The following NAALADL2 variants were observed in gnomAD, a reference collection of about 807,000 sequenced individuals.
NAALADL2 encodes inactive N-acetylated-alpha-linked acidic dipeptidase-like protein 2.
In NAALADL2, 76 loss-of-function variants were observed where a neutral mutation model predicts 87.2. The observed-to-expected ratio is 0.87, with a 90% CI of 0.72 to 1.05. The LOEUF is 1.05. NAALADL2 is among the 50% of genes least tolerant of loss of function. NAALADL2 has a pLI of 0.00. For synonymous variants in NAALADL2, 354 were observed against 331.0 expected, an observed-to-expected ratio of 1.07 and a Z score of -0.75; for missense variants, 1,089 against 945.8, an observed-to-expected ratio of 1.15 and a Z score of -1.99.
intron 3 of NAALADL2, among the ~76,000 whole-genome samples, chr3:174,820,410 T>C (rs374574907): frequency 2.6e-5 from 4 of 152,228 alleles, no homozygotes; most frequent in African/African-American, 9.6e-5. Context: ...TTTTTCATTT[T>C]TGATGGAAAT....
At chr3:174,607,073 A>G (rs1346130658) in intron 2 of NAALADL2, among the ~76,000 whole-genome samples, 2 of 152,208 alleles carry the variant, frequency 1.3e-5, no homozygotes, top group Non-Finnish European at 2.9e-5. Context: ...ACTAAGCTTC[A>G]TAAGTGAAGG....
intron 9 of NAALADL2, among the ~76,000 whole-genome samples, chr3:175,533,998 G>T (rs965634635): frequency 1.3e-5 from 2 of 149,488 alleles, no homozygotes; most frequent in Non-Finnish European, 3.0e-5. Flanking sequence ...CCTCTCATGA[G>T]CAGTGAATCA....
At chr3:175,196,460 A>G (rs1739012078) in intron 2 of NAALADL2, among the ~76,000 whole-genome samples, 1 of 151,928 alleles carries the variant, frequency 6.6e-6, no homozygotes, top group Non-Finnish European at 1.5e-5. Context: ...TCTCTTGGTC[A>G]GCAGAAAATG....
intron 2 of NAALADL2, among the ~76,000 whole-genome samples, chr3:174,720,727 T>C (rs1731637309): frequency 6.6e-6 from 1 of 152,188 alleles, no homozygotes; most frequent in Non-Finnish European, 1.5e-5. Context: ...TGTGAGTAGA[T>C]TAATAAAATG....
chr3:175,685,630 G>A (rs1736176781), intron 11 of NAALADL2, among the ~76,000 whole-genome samples: 1 of 152,090 alleles, frequency 6.6e-6, no homozygotes, highest in Non-Finnish European at 1.5e-5. Context: ...GAAGACCCAG[G>A]AGAGCCAATA....
chr3:174,747,580 C>T (rs1307130131), intron 3 of NAALADL2, among the ~76,000 whole-genome samples: 1 of 138,072 alleles, frequency 7.2e-6, no homozygotes, highest in Non-Finnish European at 1.5e-5. Flanking sequence ...TGAGATTGCA[C>T]CATTGCACTC....
intron 10 of NAALADL2, among the ~76,000 whole-genome samples, chr3:175,586,388 A>C (rs545670029): frequency 6.6e-6 from 1 of 152,072 alleles, no homozygotes. Context: ...TGGCTTTTAC[A>C]TTAGTCTCAA....
At chr3:174,510,102 T>A (rs1428606842) in intron 1 of NAALADL2, among the ~76,000 whole-genome samples, 1 of 152,108 alleles carries the variant, frequency 6.6e-6, no homozygotes, top group Non-Finnish European at 1.5e-5. Context: ...TGTTTTATTA[T>A]GTGTTTTATA....
At chr3:175,663,911 G>A (rs932210749) in intron 11 of NAALADL2, among the ~76,000 whole-genome samples, 10 of 151,908 alleles carry the variant, frequency 6.6e-5, no homozygotes, top group Non-Finnish European at 1.2e-4. Context: ...AATAGATAAA[G>A]TCATATTTGC....
chr3:174,946,375 G>A (rs1412713818), intron 1 of NAALADL2, among the ~76,000 whole-genome samples: 2 of 152,068 alleles, frequency 1.3e-5, no homozygotes, highest in African/African-American at 2.4e-5. Context: ...TTGGAGTCAC[G>A]CTACCTAGAC....
intron 13 of NAALADL2, among the ~76,000 whole-genome samples, chr3:175,777,394 TAA>T (rs1472361836): frequency 6.6e-6 from 1 of 152,068 alleles, no homozygotes; most frequent in Non-Finnish European, 1.5e-5. Flanking sequence ...CCTATGACAT[TAA>T]GTTATTTTGA....
intron 1 of NAALADL2, among the ~76,000 whole-genome samples, chr3:174,928,487 G>A (rs752758099): frequency 6.6e-6 from 1 of 152,000 alleles, no homozygotes; most frequent in African/African-American, 2.4e-5. Flanking sequence ...GGATTCACCC[G>A]CCTCGGCCTC....
intron 1 of NAALADL2, among the ~76,000 whole-genome samples, chr3:174,890,152 C>A (rs1057429600): frequency 6.6e-6 from 1 of 150,730 alleles, no homozygotes; most frequent in Non-Finnish European, 1.5e-5. Flanking sequence ...CTCATAATAT[C>A]TTAATGAAAT....
intron 1 of NAALADL2, among the ~76,000 whole-genome samples, chr3:174,987,441 C>G (rs1240028036): frequency 7.6e-5 from 11 of 145,612 alleles, no homozygotes; most frequent in African/African-American, 2.9e-4. Flanking sequence ...TAGTGGCGGG[C>G]GCCTGTAGTC....
At chr3:175,323,343 TG>T (rs1270823119) in intron 4 of NAALADL2, among the ~76,000 whole-genome samples, 2 of 58,682 alleles carry the variant, frequency 3.4e-5, no homozygotes, top group East Asian at 6.1e-4. Flanking sequence ...TGTGGTGGGG[TG>T]GGGGGAGGGG....
chr3:175,591,784 G>GTATA (rs57196350), intron 10 of NAALADL2, among the ~76,000 whole-genome samples: 116 of 136,864 alleles, frequency 8.5e-4, no homozygotes, highest in East Asian at 5.3e-3. Flanking sequence ...GTGTGTGTGT[G>GTATA]TATATATATA....
At chr3:174,552,751 G>A (rs537478877) in intron 2 of NAALADL2, among the ~76,000 whole-genome samples, 28 of 140,644 alleles carry the variant, frequency 2.0e-4, no homozygotes, top group African/African-American at 4.9e-4. Flanking sequence ...AGGTGAGATC[G>A]TGCCACTGAG....
In NAALADL2 at chr3:175,771,398, G is replaced by C. The variant is rs75265468; in HGVS notation, c.2189+15980G>C. Among the ~76,000 whole-genome samples, 355 of 152,154 alleles carry C rather than the reference G, an allele frequency of 2.3e-3. 2 individuals carry two copies. Among genetic ancestry groups the C allele is most frequent in the Non-Finnish European group, 4.4e-3 (296 of 67,986 alleles). ...AATTTTAGTATCTATTATGTAAAAG[G>C]CATAACCTAAATGTATTAGTTTCCT... On this transcript the variant is annotated intron_variant, in intron 13 of 13. Coordinates refer to ENST00000454872, the MANE Select transcript of NAALADL2 (RefSeq NM_207015.3).
At chr3:174,819,924 G>A (rs1174086276) in intron 3 of NAALADL2, among the ~76,000 whole-genome samples, 1 of 152,084 alleles carries the variant, frequency 6.6e-6, no homozygotes, top group Non-Finnish European at 1.5e-5. Flanking sequence ...GATCAATTAG[G>A]ACAACTCTCC....
Sources: gnomAD v4.1 joint callset for allele counts (sites outside exome capture counted in the v4.1 genomes callset) on GRCh38, gnomAD v4.1.1 for gene constraint, MANE v1.5 for transcripts, NCBI Gene and HGNC (gene_info 2026-07-23, HGNC 2026-07-21) for gene names.